Variants in TCHP observed in about 807,000 individuals in gnomAD.
TCHP encodes trichoplein keratin filament-binding protein.
TCHP carries 81 observed loss-of-function variants against 88.7 expected under a neutral mutation model. The ratio of observed to expected loss-of-function variants is 0.91; its 90% confidence interval spans 0.76 to 1.10. TCHP has a LOEUF of 1.10. TCHP is among the 50% of genes least tolerant of loss of function. The pLI is 0.00. For missense variants in TCHP, 641 were observed against 632.1 expected (o/e 1.01, Z -0.15); for synonymous variants, 232 against 232.5 (o/e 1.00, Z 0.02).
intron 8 of TCHP, 40 bp downstream of exon 8, chr12:109,908,977 T>C: frequency 6.2e-7 from 1 of 1,605,618 alleles, no homozygotes. Context: ...TCTTAGCCTC[T>C]TTTGTAAAAA....
chr12:109,915,656 C>G, intron 12 of TCHP, 110 bp downstream of exon 12: 2 of 1,257,956 alleles, frequency 1.6e-6, no homozygotes, highest in South Asian at 3.1e-5. Flanking sequence ...CTCCGGCCGT[C>G]CGGGTTATTC....
At chr12:109,899,357 C>G (rs1028070982), upstream of TCHP, among the ~76,000 whole-genome samples, 1 of 152,024 alleles carries the variant, frequency 6.6e-6, no homozygotes, top group Non-Finnish European at 1.5e-5. Flanking sequence ...AGAAAGTTAT[C>G]GGCCGGGTGC....
intron 6 of TCHP, among the ~76,000 whole-genome samples, chr12:109,908,287 A>G (rs1251341690): frequency 1.3e-5 from 2 of 152,210 alleles, no homozygotes; most frequent in Non-Finnish European, 2.9e-5. Context: ...ACCAAGGCCC[A>G]CAGTCCTGAC....
At chr12:109,894,663 G>A in the TCHP span, among the ~76,000 whole-genome samples, 10 of 150,790 alleles carry the variant, frequency 6.6e-5, no homozygotes, top group Non-Finnish European at 1.3e-4. Context: ...TATTTGGGAG[G>A]CTGAGGCAGG....
the TCHP span, among the ~76,000 whole-genome samples, chr12:109,880,891 C>A: frequency 1.1e-3 from 169 of 152,318 alleles, no homozygotes; most frequent in African/African-American, 3.9e-3. This position sits in a 1 kb window ranked among gnomAD's most constrained non-coding sequence, Gnocchi z 5.1. Context: ...AAAATTGTAC[C>A]CCAGTAACCC....
intron 10 of TCHP, 78 bp downstream of exon 10, chr12:109,913,150 C>T: frequency 1.5e-6 from 2 of 1,335,224 alleles, no homozygotes; most frequent in Non-Finnish European, 2.1e-6. Flanking sequence ...AGTCACCCTG[C>T]CAGATGCTCT....
At position 109,911,193 on chromosome 12, in the gene TCHP, A is replaced by G. The variant is rs750010195; in HGVS notation, c.1010A>G (p.Gln337Arg). The change falls in exon 9 of 13, where the codon CAG becomes CGG. Residue 337 changes from glutamine to arginine, a missense_variant. Gln to Arg is a conservative substitution (Grantham distance 43, BLOSUM62 1). Transcript: ENST00000405876. The stretch of plus-strand genomic sequence containing the variant: ...AAGCAGGCCATTGAGGAGCAGCTGC[A>G]GCTGGAGCGGGCGCGGGAGGCAGAG... The part of the protein sequence containing the change: ...WMKQAIEEQL[Q>R]LERAREAELQ... 2 of 1,590,306 alleles carry G rather than the reference A, an allele frequency of 1.3e-6. No individual in the cohort carries two copies. The highest frequency in any genetic ancestry group is 1.7e-6 in the Non-Finnish European group (2 of 1,171,034).
the TCHP span, among the ~76,000 whole-genome samples, chr12:109,888,751 GC>G: frequency 1.3e-5 from 2 of 152,138 alleles, no homozygotes; most frequent in Non-Finnish European, 2.9e-5. Context: ...TAGCTGTGTG[GC>G]CTTGAGCAAG....
intron 1 of TCHP, among the ~76,000 whole-genome samples, chr12:109,901,773 C>CGAGGG (rs1243418341): frequency 6.6e-6 from 1 of 152,168 alleles, no homozygotes; most frequent in Non-Finnish European, 1.5e-5. Flanking sequence ...TGCATCTGAG[C>CGAGGG]TCCCCTCCCC....
Position 109,905,147 on chromosome 12 carries a change from A to T in TCHP, c.456+354A>T. ...CATGGGCCAGCGCACTCAACTCTGGAGGGGTTGGGGAGGCTTCCCAGAGGA... is the reference window on the plus strand; with the variant it reads ...CATGGGCCAGCGCACTCAACTCTGGTGGGGTTGGGGAGGCTTCCCAGAGGA... On this transcript the variant is annotated intron_variant, in intron 4 of 12. Coordinates refer to ENST00000405876, the MANE Select transcript of TCHP (RefSeq NM_001143852.2). The surrounding 1 kb of genome is among the most constrained non-coding windows in gnomAD (Gnocchi z 4.0). 3.7e-6 allele frequency: 1 copy of T among 272,820 alleles called. No individual in the cohort carries two copies. Among genetic ancestry groups the T allele is most frequent in the Non-Finnish European group, 7.0e-6 (1 of 142,044 alleles). 16.9% of individuals were successfully genotyped at this position (272,820 alleles called of 1,614,324 possible).
the TCHP span, among the ~76,000 whole-genome samples, chr12:109,892,741 A>C: frequency 6.6e-6 from 1 of 152,156 alleles, no homozygotes; most frequent in African/African-American, 2.4e-5. Flanking sequence ...ACCCTGATGC[A>C]CTGTAAAGAC....
the TCHP span, among the ~76,000 whole-genome samples, chr12:109,882,592 A>G: frequency 6.9e-6 from 1 of 145,384 alleles, no homozygotes; most frequent in African/African-American, 2.6e-5. Flanking sequence ...GAGGTCAGGG[A>G]GGTGGGCAGA....
chr12:109,884,682 C>G, the TCHP span, among the ~76,000 whole-genome samples: 2 of 152,134 alleles, frequency 1.3e-5, no homozygotes. Flanking sequence ...AACAAGATGT[C>G]AGCCACACAA....
chr12:109,904,893 A>G, intron 4 of TCHP, 100 bp downstream of exon 4: 1 of 1,139,508 alleles, frequency 8.8e-7, no homozygotes, highest in Non-Finnish European at 1.3e-6. Context: ...GTTGAAACAG[A>G]GGAGGGAACC....
At chr12:109,908,981 GTAA>G (rs763659320) in intron 8 of TCHP, 44 bp downstream of exon 8, 1 of 1,581,668 alleles carries the variant, frequency 6.3e-7, no homozygotes, top group African/African-American at 1.4e-5. Flanking sequence ...AGCCTCTTTT[GTAA>G]AAAAGGCCTT....
At chr12:109,895,609 G>A (rs1869539456), upstream of TCHP, among the ~76,000 whole-genome samples, 1 of 152,092 alleles carries the variant, frequency 6.6e-6, no homozygotes, top group Non-Finnish European at 1.5e-5. Flanking sequence ...TACTTCTGCG[G>A]TCTTGTCTTC....
chr12:109,885,572 T>C, the TCHP span, among the ~76,000 whole-genome samples: 1 of 146,350 alleles, frequency 6.8e-6, no homozygotes, highest in Admixed American at 7.1e-5. Context: ...AAGCTCCGCC[T>C]TCCAGGTTCG....
At chr12:109,885,181 G>A in the TCHP span, among the ~76,000 whole-genome samples, 1 of 152,152 alleles carries the variant, frequency 6.6e-6, no homozygotes, top group Non-Finnish European at 1.5e-5. Flanking sequence ...TGTTGGCCAG[G>A]CTGGTCTCGA....
At chr12:109,913,590 A>G (rs1870631957) in intron 10 of TCHP, among the ~76,000 whole-genome samples, 1 of 152,132 alleles carries the variant, frequency 6.6e-6, no homozygotes, top group African/African-American at 2.4e-5. Context: ...GGGGTAGATG[A>G]CAGCCGTGAC....
Sources: allele counts gnomAD v4.1 joint callset (sites outside exome capture counted in the v4.1 genomes callset), GRCh38; gene constraint gnomAD v4.1.1; non-coding constraint Gnocchi (gnomAD v3.1); transcripts MANE v1.5; gene names NCBI Gene and HGNC (gene_info 2026-07-23, HGNC 2026-07-21).